Variants in PATE4 observed in about 807,000 individuals in gnomAD.
PATE4 encodes the protein prostate and testis expressed 4, also known as prostate and testis expressed protein 4.
PATE4 carries 13 observed loss-of-function variants against 8.5 expected under a neutral mutation model. The ratio of observed to expected loss-of-function variants is 1.53; its 90% CI spans 1.00 to 2.43. The LOEUF is 2.43. Ranked by LOEUF, PATE4 falls within the 30% of genes most tolerant of loss-of-function variation. The probability of loss-of-function intolerance (pLI) is 0.00; values close to 1 mark genes in which losing one functional copy is unlikely to be tolerated. For missense variants in PATE4, 127 were observed against 115.5 expected (o/e 1.10, Z -0.46); for synonymous variants, 47 against 39.3 (o/e 1.20, Z -0.73).
chr11:125,834,726 A>G (rs911670931), intron 1 of PATE4, among the ~76,000 whole-genome samples: 1 of 152,222 alleles, frequency 6.6e-6, no homozygotes, highest in East Asian at 1.9e-4. Flanking sequence ...TATGTTCAGC[A>G]TTATTTATTG....
intron 1 of PATE4, chr11:125,835,022 T>C (rs1943910103): frequency 6.6e-6 from 1 of 152,218 alleles, no homozygotes; most frequent in Non-Finnish European, 1.5e-5. Flanking sequence ...GATAACTAGC[T>C]GGCAAGAGTG....
chr11:125,837,124 G>A (rs190812843), intron 1 of PATE4, among the ~76,000 whole-genome samples: 13 of 152,262 alleles, frequency 8.5e-5, no homozygotes, highest in Admixed American at 3.3e-4. Context: ...ACCTTGGAAC[G>A]TCTGAGATGA....
chr11:125,838,514 A>G lies in PATE4; in HGVS notation c.*87A>G. On this transcript the variant is annotated 3_prime_UTR_variant, in exon 3 of 3. Coordinates refer to ENST00000457514, the MANE Select transcript of PATE4 (RefSeq NM_001144874.1). ...TGAACTGTTTTATTTCCCACACCAA[A>G]TTCCACACTGGCCTAAGATCCCAGA... 7.0e-7 allele frequency: 1 copy of G among 1,425,342 alleles called. No individual in the cohort carries two copies. The allele number at this position is 1,425,342 out of a possible 1,614,324, so 88.3% of individuals were successfully genotyped here.
In PATE4 at chr11:125,838,548, C is replaced by G; in HGVS notation, c.*121C>G. ...TGGCCTAAGATCCCAGAGAGAGCTG[C>G]AGGGGCTGTCCTCATTGCAATGAAG... On this transcript the variant is annotated 3_prime_UTR_variant, in exon 3 of 3. Coordinates refer to ENST00000457514, the MANE Select transcript of PATE4 (RefSeq NM_001144874.1). 8.0e-7 allele frequency: 1 copy of G among 1,245,570 alleles called. No individual in the cohort carries two copies. 77.2% of individuals were successfully genotyped at this position (1,245,570 alleles called of 1,614,324 possible). A position where few individuals can be genotyped will look rare whatever the true frequency, so the allele number is the denominator to read the frequency against.
chr11:125,835,577 T>C (rs1262082202), intron 1 of PATE4: 1 of 152,174 alleles, frequency 6.6e-6, no homozygotes, highest in Non-Finnish European at 1.5e-5. Context: ...CCACTCACGA[T>C]ACAGCAGTGG....
At chr11:125,833,540 C>T in intron 1 of PATE4, 123 bp downstream of exon 1, 1 of 849,588 alleles carries the variant, frequency 1.2e-6, no homozygotes, top group Non-Finnish European at 1.8e-6. Context: ...ATCTGAGTTT[C>T]AGGATGTCAG....
rs1015429263 is a variant in PATE4, at chr11:125,838,540, G to A, written c.*113G>A. 3.8e-6 allele frequency: 5 copies of A among 1,311,116 alleles called. No individual in the cohort carries two copies. The highest frequency in any genetic ancestry group is 1.5e-5 in the African/African-American group (1 of 66,888). 81.2% of individuals were successfully genotyped at this position (1,311,116 alleles called of 1,614,324 possible). On this transcript the variant is annotated 3_prime_UTR_variant, in exon 3 of 3. Transcript: ENST00000457514. ...TTCCACACTGGCCTAAGATCCCAGAGAGAGCTGCAGGGGCTGTCCTCATTG... is the reference window on the plus strand; with the variant it reads ...TTCCACACTGGCCTAAGATCCCAGAAAGAGCTGCAGGGGCTGTCCTCATTG...
chr11:125,834,427 T>C (rs1349844571), intron 1 of PATE4, among the ~76,000 whole-genome samples: 1 of 152,110 alleles, frequency 6.6e-6, no homozygotes, highest in African/African-American at 2.4e-5. Flanking sequence ...ATTAAACATA[T>C]AAAAAGTGCT....
At chr11:125,837,363 G>GT (rs1314636417) in intron 1 of PATE4, among the ~76,000 whole-genome samples, 2 of 152,142 alleles carry the variant, frequency 1.3e-5, no homozygotes, top group Non-Finnish European at 2.9e-5. Context: ...ATCTCAGACA[G>GT]TCCACTCTAA....
In PATE4 at chr11:125,837,873, G is replaced by C. The variant is rs770308271; in HGVS notation, c.64G>C (p.Gly22Arg). Reference protein sequence around the residue: ...LSFLYLKEVMGLKCNTCIYTE... With the variant: ...LSFLYLKEVMRLKCNTCIYTE... Reference sequence around the variant, plus strand: ...CTATTCTCTCCACCCTGCAGTTATGGGTCTGAAGTGTAATACCTGCATATA... The same window carrying C: ...CTATTCTCTCCACCCTGCAGTTATGCGTCTGAAGTGTAATACCTGCATATA... Residue 22 changes from glycine to arginine, a missense_variant, in exon 2 of 3, where the codon GGT becomes CGT. By Grantham distance (125) the Gly-to-Arg change is moderately radical. Transcript: ENST00000457514. The C allele has an allele frequency of 6.5e-7, 1 of 1,549,962 alleles. No individual in the cohort carries two copies. The highest frequency in any genetic ancestry group is 2.4e-5 in the East Asian group (1 of 40,886).
intron 1 of PATE4, chr11:125,834,868 A>G (rs1212395168): frequency 2.6e-5 from 4 of 152,230 alleles, no homozygotes; most frequent in Non-Finnish European, 5.9e-5. Flanking sequence ...AGTGCAGAGT[A>G]TGCATAGTAT....
intron 1 of PATE4, 102 bp downstream of exon 1, chr11:125,833,519 G>A: frequency 9.4e-7 from 1 of 1,068,412 alleles, no homozygotes; most frequent in Non-Finnish European, 1.4e-6. Context: ...GAGACCCAAA[G>A]ACTCAGTACA....
intron 1 of PATE4, 54 bp from the exon 2 acceptor site, chr11:125,837,814 C>T (rs546204836): frequency 1.5e-6 from 2 of 1,354,216 alleles, no homozygotes; most frequent in Admixed American, 2.0e-5. Context: ...TGAAAACTCA[C>T]TTTTCCATTG....
chr11:125,838,183 C>A, intron 2 of PATE4, 123 bp from the exon 3 acceptor site: 1 of 1,210,564 alleles, frequency 8.3e-7, no homozygotes, highest in Non-Finnish European at 1.1e-6. Context: ...CGATTGGGAA[C>A]ATGAACCCAG....
In PATE4 at chr11:125,838,886, G is replaced by A. The variant is rs1943940027; in HGVS notation, c.*459G>A. On this transcript the variant is annotated 3_prime_UTR_variant, in exon 3 of 3. Coordinates refer to ENST00000457514, the MANE Select transcript of PATE4 (RefSeq NM_001144874.1). ...ATGCAATAAGATGCAAGTAAAGGGA[G>A]ATATGACAAAGAAGAGGAAAAGATG... is the stretch of plus-strand genomic sequence containing the variant. 6.5e-6 allele frequency: 1 copy of A among 153,526 alleles called. No individual in the cohort carries two copies. Among genetic ancestry groups the A allele is most frequent in the Non-Finnish European group, 1.4e-5 (1 of 69,048 alleles). 9.5% of individuals were successfully genotyped at this position (153,526 alleles called of 1,614,324 possible). A position where few individuals can be genotyped will look rare whatever the true frequency, so the allele number is the denominator to read the frequency against.
At chr11:125,835,268 T>G (rs774218259) in intron 1 of PATE4, 13 of 152,222 alleles carry the variant, frequency 8.5e-5, no homozygotes, top group Non-Finnish European at 1.8e-4. Flanking sequence ...GATAGTGTCC[T>G]CTGGTGTTTG....
chr11:125,837,790 C>A (rs1361719576), intron 1 of PATE4, 78 bp from the exon 2 acceptor site: 11 of 965,148 alleles, frequency 1.1e-5, no homozygotes, highest in East Asian at 2.6e-5. Context: ...CAATATGCAA[C>A]CTCTTACTGA....
At chr11:125,836,696 A>G (rs1943922289) in intron 1 of PATE4, among the ~76,000 whole-genome samples, 1 of 151,784 alleles carries the variant, frequency 6.6e-6, no homozygotes, top group Non-Finnish European at 1.5e-5. Context: ...ATTTCTTGAT[A>G]TTATAATACA....
chr11:125,838,079 C>A (rs1337355738), intron 2 of PATE4, 95 bp downstream of exon 2: 1 of 1,094,774 alleles, frequency 9.1e-7, no homozygotes, highest in Non-Finnish European at 1.3e-6. Context: ...TTTAGCTCTG[C>A]TAGGAGGTAA....
Sources: gnomAD v4.1 joint callset for allele counts (sites outside exome capture counted in the v4.1 genomes callset) on GRCh38, gnomAD v4.1.1 for gene constraint, MANE v1.5 for transcripts, NCBI Gene and HGNC (gene_info 2026-07-23, HGNC 2026-07-21) for gene names.